Variants in AEBP2 observed in about 807,000 individuals in gnomAD.
AEBP2 encodes zinc finger protein AEBP2.
Under a neutral mutation model 50.8 loss-of-function variants are expected in AEBP2, and 10 were observed. That is an observed-to-expected ratio of 0.20 (90% CI 0.12 to 0.33). The LOEUF is 0.33. Among genes scored for constraint, AEBP2 ranks in the 10% least tolerant of loss-of-function variants. The probability of loss-of-function intolerance (pLI) is 1.00; values close to 1 mark genes in which losing one functional copy is unlikely to be tolerated. For synonymous variants in AEBP2, 296 were observed against 261.3 expected, an observed-to-expected ratio of 1.13 and a Z score of -1.28; for missense variants, 570 against 688.0, an observed-to-expected ratio of 0.83 and a Z score of 1.92.
At chr12:19,508,192 A>G (rs1949180040) in intron 5 of AEBP2, among the ~76,000 whole-genome samples, 1 of 152,140 alleles carries the variant, frequency 6.6e-6, no homozygotes, top group Non-Finnish European at 1.5e-5. Context: ...TTATTTGACT[A>G]CAGACTTTTT....
chr12:19,453,913 T>C (rs1296893749), intron 1 of AEBP2, among the ~76,000 whole-genome samples: 1 of 151,920 alleles, frequency 6.6e-6, no homozygotes, highest in African/African-American at 2.4e-5. Flanking sequence ...TCTCCCCCCC[T>C]CGGCCTCCCA....
intron 6 of AEBP2, among the ~76,000 whole-genome samples, chr12:19,513,510 T>C (rs1360001208): frequency 6.6e-6 from 1 of 152,148 alleles, no homozygotes; most frequent in East Asian, 1.9e-4. Flanking sequence ...GTAATCCCAG[T>C]GCTTTGTGAG....
intron 1 of AEBP2, among the ~76,000 whole-genome samples, chr12:19,444,621 C>T (rs982963612): frequency 1.3e-5 from 2 of 152,096 alleles, no homozygotes; most frequent in Non-Finnish European, 2.9e-5. Flanking sequence ...AACTTTAGTT[C>T]CTCAACTACA....
chr12:19,486,431 A>G (rs1948810934), intron 3 of AEBP2, among the ~76,000 whole-genome samples: 1 of 151,828 alleles, frequency 6.6e-6, no homozygotes, highest in East Asian at 1.9e-4. Flanking sequence ...TCACTCTGTC[A>G]CCAATGTTGG....
chr12:19,447,350 A>G (rs1008318370), intron 1 of AEBP2, among the ~76,000 whole-genome samples: 1 of 152,186 alleles, frequency 6.6e-6, no homozygotes. Context: ...CCTCACCCCA[A>G]TATGGGTAAT....
chr12:19,488,101 A>G (rs912966206), intron 3 of AEBP2, among the ~76,000 whole-genome samples: 7 of 151,582 alleles, frequency 4.6e-5, no homozygotes, highest in Non-Finnish European at 7.4e-5. Flanking sequence ...TTTTTACATA[A>G]GGAACTGAGG....
At chr12:19,448,465 A>G (rs1257914838) in intron 1 of AEBP2, among the ~76,000 whole-genome samples, 1 of 151,746 alleles carries the variant, frequency 6.6e-6, no homozygotes, top group African/African-American at 2.4e-5. Flanking sequence ...AGCCTGGGCA[A>G]CAGAGCAAGA....
At chr12:19,450,613 TCAAC>T (rs1178575944) in intron 1 of AEBP2, among the ~76,000 whole-genome samples, 2 of 141,760 alleles carry the variant, frequency 1.4e-5, no homozygotes, top group Non-Finnish European at 3.0e-5. Context: ...GAGGATAGCT[TCAAC>T]CCAGGAGTTT....
At chr12:19,492,719 C>A (rs1283884076) in intron 3 of AEBP2, among the ~76,000 whole-genome samples, 2 of 152,046 alleles carry the variant, frequency 1.3e-5, no homozygotes, top group African/African-American at 4.8e-5. Context: ...GCACACCTAG[C>A]TCTGTGGGGG....
chr12:19,487,428 A>G (rs570515844), intron 3 of AEBP2, among the ~76,000 whole-genome samples: 5 of 152,190 alleles, frequency 3.3e-5, no homozygotes, highest in Admixed American at 1.3e-4. Flanking sequence ...TTTGAAAGAG[A>G]AAAAAGGGGC....
intron 1 of AEBP2, among the ~76,000 whole-genome samples, chr12:19,421,449 C>T (rs1048005789): frequency 4.0e-5 from 6 of 150,726 alleles, no homozygotes; most frequent in South Asian, 4.2e-4. Context: ...CCCTGGAGTT[C>T]GAGACCAGTC....
At chr12:19,409,165 G>A (rs546001418) in intron 1 of AEBP2, among the ~76,000 whole-genome samples, 55 of 151,970 alleles carry the variant, frequency 3.6e-4, no homozygotes, top group Non-Finnish European at 7.1e-4. Flanking sequence ...ATTTAATTTT[G>A]CAACACCAAA....
Position 19,521,950 on chromosome 12 carries a change from T to G in AEBP2, c.*3833T>G, listed in dbSNP as rs2120669024. ...CTCTGCATAAGTTCTCTGAAAGAAC[T>G]TAAATTCTTAGTTTATATGAAAACT... On this transcript the variant is annotated 3_prime_UTR_variant, in exon 8 of 8. Transcript: ENST00000266508. 1 of 152,278 alleles carries G rather than the reference T, an allele frequency of 6.6e-6. No homozygotes were observed. The highest frequency in any genetic ancestry group is 2.1e-4 in the South Asian group (1 of 4,830). The allele number at this position is 152,278 out of a possible 1,614,324, so 9.4% of individuals were successfully genotyped here. A position where few individuals can be genotyped will look rare whatever the true frequency, so the allele number is the denominator to read the frequency against.
rs182876234 is a variant in AEBP2 at position 19,502,397 on chromosome 12, G to A, written c.1299+2176G>A. On this transcript the variant is annotated intron_variant, in intron 5 of 7. Coordinates refer to ENST00000266508, the MANE Select transcript of AEBP2 (RefSeq NM_153207.5). ...GATCTGCCTGCCTTGGCCTCCCAAA[G>A]TGCTGGGATTACAGGCATGAGCCAC... Among the ~76,000 whole-genome samples, 1,217 of 152,196 alleles carry A rather than the reference G, an allele frequency of 8.0e-3. 17 individuals carry two copies. Among genetic ancestry groups the A allele is most frequent in the African/African-American group, 0.028 (1,143 of 41,524 alleles).
intron 5 of AEBP2, among the ~76,000 whole-genome samples, chr12:19,507,957 G>C (rs1949175801): frequency 6.6e-6 from 1 of 152,156 alleles, no homozygotes; most frequent in Non-Finnish European, 1.5e-5. Flanking sequence ...GTACTATACT[G>C]TTTGGTTTGC....
intron 1 of AEBP2, among the ~76,000 whole-genome samples, chr12:19,459,754 A>C (rs760599420): frequency 2.0e-5 from 3 of 152,198 alleles, no homozygotes; most frequent in Non-Finnish European, 4.4e-5. Context: ...ATATATATTT[A>C]TTGCATTTAA....
chr12:19,471,797 C>T (rs968740132), intron 2 of AEBP2, among the ~76,000 whole-genome samples: 1 of 152,132 alleles, frequency 6.6e-6, no homozygotes, highest in Admixed American at 6.6e-5. Flanking sequence ...TCCCAAAGTG[C>T]TGGAATTGCT....
At chr12:19,446,988 A>G (rs773307388) in intron 1 of AEBP2, among the ~76,000 whole-genome samples, 1 of 152,206 alleles carries the variant, frequency 6.6e-6, no homozygotes, top group African/African-American at 2.4e-5. Flanking sequence ...TAGTGACTAA[A>G]GATTTTGTGT....
At position 19,439,718 on chromosome 12, in the gene AEBP2, G is replaced by T. The variant is rs1360982211; in HGVS notation, c.19G>T (p.Asp7Tyr). The change falls in exon 1 of 8, where the codon GAC becomes TAC. Residue 7 changes from aspartate to tyrosine, a missense_variant. By Grantham distance (160) the Asp-to-Tyr change is radical. Transcript: ENST00000266508. ...CGCCGCCATGGCCGCCGCTATCACC[G>T]ACATGGCCGACCTGGAGGAGCTCTC... The part of the protein sequence containing the change: MAAAIT[D>Y]MADLEELSRL... 7 of 1,517,508 alleles carry T rather than the reference G, an allele frequency of 4.6e-6. No individual in the cohort carries two copies. The highest frequency in any genetic ancestry group is 1.2e-5 in the South Asian group (1 of 83,382). The allele number at this position is 1,517,508 out of a possible 1,614,324, so 94.0% of individuals were successfully genotyped here.
Sources: gnomAD v4.1 joint callset for allele counts (sites outside exome capture counted in the v4.1 genomes callset) on GRCh38, gnomAD v4.1.1 for gene constraint, MANE v1.5 for transcripts, NCBI Gene and HGNC (gene_info 2026-07-23, HGNC 2026-07-21) for gene names.